Variants in SCAMP1 observed in about 807,000 individuals in gnomAD.
SCAMP1 encodes secretory carrier membrane protein 1.
A neutral mutation model predicts 41.8 loss-of-function variants in SCAMP1; 15 were observed. The observed-to-expected ratio is 0.36, with a 90% confidence interval of 0.24 to 0.55. The LOEUF (loss-of-function observed/expected upper bound fraction) is 0.55. Among genes scored for constraint, SCAMP1 ranks in the 20% least tolerant of loss-of-function variants. The probability of loss-of-function intolerance (pLI) is 0.86; values close to 1 mark genes in which losing one functional copy is unlikely to be tolerated. For missense variants in SCAMP1, 341 were observed against 412.6 expected, an observed-to-expected ratio of 0.83 and a Z score of 1.50; for synonymous variants, 135 against 136.8, an observed-to-expected ratio of 0.99 and a Z score of 0.09.
intron 6 of SCAMP1, among the ~76,000 whole-genome samples, chr5:78,424,864 C>T (rs1238040500): frequency 1.3e-5 from 2 of 152,146 alleles, no homozygotes; most frequent in East Asian, 3.8e-4. Context: ...TGTTGAGTAA[C>T]TATTAGAAAC....
intron 1 of SCAMP1, among the ~76,000 whole-genome samples, chr5:78,388,173 G>A (rs1444710590): frequency 6.6e-6 from 1 of 152,200 alleles, no homozygotes; most frequent in Non-Finnish European, 1.5e-5. Flanking sequence ...TGTCCATTAA[G>A]TGGGAGCTGC....
chr5:78,460,488 C>T (rs747225503), intron 8 of SCAMP1, among the ~76,000 whole-genome samples: 18 of 152,108 alleles, frequency 1.2e-4, no homozygotes, highest in Non-Finnish European at 2.1e-4. Flanking sequence ...TTTTGATTTG[C>T]ATTTCTCTGA....
intron 6 of SCAMP1, among the ~76,000 whole-genome samples, chr5:78,438,063 C>G (rs890441204): frequency 6.6e-6 from 1 of 152,142 alleles, no homozygotes; most frequent in African/African-American, 2.4e-5. Context: ...TGGTGATACC[C>G]CTTTATCATT....
At chr5:78,460,742 CTCCTTCCTTCCTTCCTTCCTTCCT>C (rs1188221227) in intron 8 of SCAMP1, among the ~76,000 whole-genome samples, 14 of 85,018 alleles carry the variant, frequency 1.6e-4, no homozygotes, top group South Asian at 4.3e-4. Context: ...GGTTTCTTTT[CTCCTTCCTTCCTTCCTTCCTTCCT>C]TCCTTCCTTC....
chr5:78,380,866 G>A (rs1280671075), intron 1 of SCAMP1, among the ~76,000 whole-genome samples: 1 of 152,162 alleles, frequency 6.6e-6, no homozygotes, highest in Non-Finnish European at 1.5e-5. Flanking sequence ...AGGAGTTCAA[G>A]GCCAGCCTGG....
In SCAMP1 at chr5:78,478,895, G is replaced by GA. The variant is rs1283241414; in HGVS notation, c.*3231dup. 2 of 152,032 alleles carry GA rather than the reference G, an allele frequency of 1.3e-5. No homozygotes were observed. Among genetic ancestry groups the GA allele is most frequent in the Non-Finnish European group, 2.9e-5 (2 of 67,954 alleles). 9.4% of individuals were successfully genotyped at this position (152,032 alleles called of 1,614,324 possible). A position where few individuals can be genotyped will look rare whatever the true frequency, so the allele number is the denominator to read the frequency against. On this transcript the variant is annotated 3_prime_UTR_variant, in exon 9 of 9. Transcript: ENST00000621999. ...TGGATTTTTACACCTAATTTACTAG[G>GA]AAAATATTTTATTCTGTAATTCATG...
chr5:78,363,989 CTT>C (rs768470165), intron 1 of SCAMP1, among the ~76,000 whole-genome samples: 3 of 152,176 alleles, frequency 2.0e-5, no homozygotes, highest in Admixed American at 6.5e-5. Flanking sequence ...AGGATCCACT[CTT>C]GAGCTGTTAA....
chr5:78,454,277 G>T (rs1753323638), intron 7 of SCAMP1, among the ~76,000 whole-genome samples: 2 of 152,194 alleles, frequency 1.3e-5, no homozygotes, highest in Admixed American at 1.3e-4. Flanking sequence ...CAAAGGGAAT[G>T]CTTCCAGTTC....
chr5:78,398,697 C>CCA (rs1751722339), intron 2 of SCAMP1, among the ~76,000 whole-genome samples: 1 of 151,596 alleles, frequency 6.6e-6, no homozygotes, highest in Non-Finnish European at 1.5e-5. Context: ...GTTTGCGCCA[C>CCA]CACACCCGCC....
intron 5 of SCAMP1, among the ~76,000 whole-genome samples, chr5:78,419,951 C>G (rs763224763): frequency 6.6e-6 from 1 of 152,078 alleles, no homozygotes; most frequent in Non-Finnish European, 1.5e-5. Flanking sequence ...TATTAAATGT[C>G]TGATTCCATA....
At chr5:78,469,834 T>C (rs1336607646) in intron 8 of SCAMP1, among the ~76,000 whole-genome samples, 1 of 132,182 alleles carries the variant, frequency 7.6e-6, no homozygotes, top group Non-Finnish European at 1.6e-5. Flanking sequence ...AGGCGAGGAG[T>C]TTGAGATCAG....
chr5:78,456,067 C>G (rs558657094), intron 7 of SCAMP1, among the ~76,000 whole-genome samples: 1 of 97,338 alleles, frequency 1.0e-5, no homozygotes, highest in Admixed American at 1.1e-4. Context: ...TTATTTTGAG[C>G]CTATGTGTGT....
At chr5:78,460,928 T>C (rs968613540) in intron 8 of SCAMP1, among the ~76,000 whole-genome samples, 10 of 151,844 alleles carry the variant, frequency 6.6e-5, no homozygotes, top group African/African-American at 2.2e-4. Flanking sequence ...CAATCTCAGC[T>C]CATTGCAATC....
chr5:78,392,479 A>G (rs1751545027), intron 2 of SCAMP1, among the ~76,000 whole-genome samples: 3 of 152,256 alleles, frequency 2.0e-5, no homozygotes. Context: ...TAATTGGTGT[A>G]ATTAAAAATT....
Position 78,416,639 on chromosome 5 carries a change from C to T in SCAMP1, c.333C>T (p.Leu111=). ...LDRREREMQN[L]SQHGRKNNWP... ...GTCGGGAACGAGAAATGCAAAACCT[C>T]AGTCAACATGGTAGTATCCAAAGAA... The change falls in exon 4 of 9, where the codon CTC becomes CTT. Residue 111 remains leucine (L), a synonymous_variant. Transcript: ENST00000621999. 6.3e-7 allele frequency: 1 copy of T among 1,584,240 alleles called. No individual in the cohort carries two copies. The highest frequency in any genetic ancestry group is 8.6e-7 in the Non-Finnish European group (1 of 1,164,606).
At chr5:78,404,802 C>T (rs571235752) in intron 2 of SCAMP1, among the ~76,000 whole-genome samples, 1 of 152,266 alleles carries the variant, frequency 6.6e-6, no homozygotes, top group African/African-American at 2.4e-5. Context: ...AAAAATGGTT[C>T]TTCCCCACTC....
intron 6 of SCAMP1, among the ~76,000 whole-genome samples, chr5:78,435,796 G>A (rs887466209): frequency 1.3e-5 from 2 of 152,144 alleles, no homozygotes; most frequent in African/African-American, 4.8e-5. Context: ...TTGAGGAATT[G>A]CCACACTGTC....
Position 78,475,663 on chromosome 5 carries a change from A to T in SCAMP1, c.1012A>T (p.Ile338Phe). Residue 338 changes from isoleucine to phenylalanine, a missense_variant, in exon 9 of 9, where the codon ATT (isoleucine) becomes TTT (phenylalanine). Coordinates refer to ENST00000621999, the MANE Select transcript of SCAMP1 (RefSeq NM_004866.6). ...AAQNAFKGNQ[I>F] is the part of the protein sequence containing the mutation. Reference sequence around the variant, plus strand: ...TCAGAATGCTTTCAAGGGTAACCAGATTTAAGAATCTTCAAACAATACACT... The same window carrying T: ...TCAGAATGCTTTCAAGGGTAACCAGTTTTAAGAATCTTCAAACAATACACT... 2 of 1,541,626 alleles carry T rather than the reference A, an allele frequency of 1.3e-6. No individual in the cohort carries two copies. The highest frequency in any genetic ancestry group is 1.7e-6 in the Non-Finnish European group (2 of 1,145,664).
intron 2 of SCAMP1, among the ~76,000 whole-genome samples, chr5:78,397,419 G>A (rs1284949571): frequency 6.6e-6 from 1 of 152,026 alleles, no homozygotes; most frequent in East Asian, 1.9e-4. Context: ...CTTTAGTTAG[G>A]CCATGGTTTC....
Sources: allele counts gnomAD v4.1 joint callset (sites outside exome capture counted in the v4.1 genomes callset), GRCh38; gene constraint gnomAD v4.1.1; transcripts MANE v1.5; gene names NCBI Gene and HGNC (gene_info 2026-07-23, HGNC 2026-07-21).